MYO15A: variants seen among roughly 807,000 people sequenced by gnomAD.
The protein encoded by MYO15A is unconventional myosin-XV.
A neutral mutation model predicts 394.6 loss-of-function variants in MYO15A; 308 were observed. The observed-to-expected ratio is 0.78, with a 90% CI of 0.71 to 0.86. MYO15A has a LOEUF of 0.86. Ranked by LOEUF, MYO15A falls within the 40% of genes least tolerant of loss-of-function variation. The pLI is 0.00. For missense variants in MYO15A, 4,606 were observed against 4,799.1 expected (o/e 0.96, Z 1.19); for synonymous variants, 1,957 against 2,003.8 (o/e 0.98, Z 0.62).
rs2046852966 is a variant in MYO15A at position 18,166,306 on chromosome 17, A to G, written c.9788-55A>G. ...CTGCACACATGCTCTGTACAGGTGC[A>G]CACATGTGTGTGCACACATGCCCCC... On this transcript the variant is annotated intron_variant, in intron 60 of 65. Coordinates refer to ENST00000647165, the MANE Select transcript of MYO15A (RefSeq NM_016239.4). 4 of 1,600,330 alleles carry G rather than the reference A, an allele frequency of 2.5e-6. No homozygotes were observed. The Middle Eastern group carries it at 6.2e-4, about 248-fold the overall frequency.
Position 18,118,880 on chromosome 17 carries a change from A to C in MYO15A, c.80A>C (p.Lys27Thr). The change falls in exon 2 of 66, where the codon AAA becomes ACA. Residue 27 changes from lysine (K) to threonine (T), a missense_variant. By Grantham distance (78) the Lys-to-Thr change is moderately conservative. Coordinates refer to ENST00000647165, the MANE Select transcript of MYO15A (RefSeq NM_016239.4). ...AAGGCACCGGAGCCGGAGAAGCCCA[A>C]ACGGAGCCTGAAGGGGACGTCGCGG... ...GKKAPEPEKPKRSLKGTSRLF... is the reference protein window; with the variant it reads ...GKKAPEPEKPTRSLKGTSRLF... 1 of 1,613,772 alleles carries C rather than the reference A, an allele frequency of 6.2e-7. No individual in the cohort carries two copies. The highest frequency in any genetic ancestry group is 2.2e-5 in the East Asian group (1 of 44,856).
Position 18,162,580 on chromosome 17 carries a change from T to C in MYO15A, c.9518-5T>C, listed in dbSNP as rs748056742. 1 of 1,613,516 alleles carries C rather than the reference T, an allele frequency of 6.2e-7. No individual in the cohort carries two copies. The highest frequency in any genetic ancestry group is 1.3e-5 in the African/African-American group (1 of 75,044). Reference sequence around the variant, plus strand: ...GGGCGAGGCCTGAACTCCCTGCTTCTGCAGGGATCGCCAAGGCCTGCGAGC... The same window carrying C: ...GGGCGAGGCCTGAACTCCCTGCTTCCGCAGGGATCGCCAAGGCCTGCGAGC... On this transcript the variant is annotated splice_region_variant and splice_polypyrimidine_tract_variant and intron_variant, in intron 57 of 65. Transcript: ENST00000647165.
chr17:18,129,107 T>C (rs1239327478), intron 7 of MYO15A, among the ~76,000 whole-genome samples: 2 of 152,224 alleles, frequency 1.3e-5, no homozygotes, highest in East Asian at 1.9e-4. Context: ...GTCAGCAAGC[T>C]GGCACCATAA....
Position 18,147,699 on chromosome 17 carries a change from C to T in MYO15A, c.6510-330C>T, listed in dbSNP as rs904631071. ...GACATTTTGTTCCAACAAGCTGGTA[C>T]CTCTTTGGCCTATCCTTGGACCTCT... On this transcript the variant is annotated intron_variant, in intron 30 of 65. Coordinates refer to ENST00000647165, the MANE Select transcript of MYO15A (RefSeq NM_016239.4). This position sits in a 1 kb window ranked among gnomAD's most constrained non-coding sequence, Gnocchi z 4.4. 6.6e-6 allele frequency among the ~76,000 whole-genome samples: 1 copy of T among 152,174 alleles called. No individual in the cohort carries two copies. Among genetic ancestry groups the T allele is most frequent in the African/African-American group, 2.4e-5 (1 of 41,438 alleles).
chr17:18,146,152 C>G, intron 30 of MYO15A, 45 bp downstream of exon 30: 1 of 1,585,102 alleles, frequency 6.3e-7, no homozygotes, highest in East Asian at 2.3e-5. Context: ...GACGGTGGCA[C>G]CAGCAGTGGA....
In MYO15A at chr17:18,150,360, G is replaced by A; in HGVS notation, c.7213-69G>A. Reference sequence around the variant, plus strand: ...AGGGTGGGGAAGAGGCCAGTGTCAGGTGCCTGTTGCCATGGAACCTTGGGA... The same window carrying A: ...AGGGTGGGGAAGAGGCCAGTGTCAGATGCCTGTTGCCATGGAACCTTGGGA... On this transcript the variant is annotated intron_variant, in intron 35 of 65. Coordinates refer to ENST00000647165, the MANE Select transcript of MYO15A (RefSeq NM_016239.4). This position sits in a 1 kb window ranked among gnomAD's most constrained non-coding sequence, Gnocchi z 4.4. 2.1e-6 allele frequency: 3 copies of A among 1,421,528 alleles called. No homozygotes were observed. Among genetic ancestry groups the A allele is most frequent in the Admixed American group, 3.4e-5 (2 of 59,000 alleles). 88.1% of individuals were successfully genotyped at this position (1,421,528 alleles called of 1,614,324 possible). A position where few individuals can be genotyped will look rare whatever the true frequency, so the allele number is the denominator to read the frequency against.
In MYO15A at chr17:18,148,005, C is replaced by G. The variant is rs201088322; in HGVS notation, c.6510-24C>G. 3 of 1,613,960 alleles carry G rather than the reference C, an allele frequency of 1.9e-6. No homozygotes were observed. The highest frequency in any genetic ancestry group is 2.5e-6 in the Non-Finnish European group (3 of 1,179,986). On this transcript the variant is annotated intron_variant, in intron 30 of 65. Transcript: ENST00000647165. This position sits in a 1 kb window ranked among gnomAD's most constrained non-coding sequence, Gnocchi z 4.8. ...AGCTAGCTTCAGATCCTTCTTGATC[C>G]TGGCTCCAACTCCTACCCATCAGGT...
At position 18,138,004 on chromosome 17, in the gene MYO15A, T is replaced by G. The variant is rs946410157; in HGVS notation, c.4876-111T>G. 2.9e-6 allele frequency: 4 copies of G among 1,381,610 alleles called. No homozygotes were observed. The African/African-American group carries it at 6.6e-5, about 23-fold the overall frequency. The allele number at this position is 1,381,610 out of a possible 1,614,324, so 85.6% of individuals were successfully genotyped here. Reference sequence around the variant, plus strand: ...GGTGAGCTCCCTGTTCTGGGAGGTATGCAAGCAGAGGTGCTGCTGGCCAGG... The same window carrying G: ...GGTGAGCTCCCTGTTCTGGGAGGTAGGCAAGCAGAGGTGCTGCTGGCCAGG... On this transcript the variant is annotated intron_variant, in intron 16 of 65. Coordinates refer to ENST00000647165, the MANE Select transcript of MYO15A (RefSeq NM_016239.4).
Position 18,131,495 on chromosome 17 carries a change from C to A in MYO15A, c.4170C>A (p.Ser1390=). ...EGGVISGAIT[S]QYLLEKSRIV... ...GCGTGATCTCTGGTGCCATAACCTC[C>A]CAGTACCTGCTTGAGAAATCCAGGA... Residue 1390 remains serine, a synonymous_variant, in exon 10 of 66, where the codon TCC becomes TCA. Coordinates refer to ENST00000647165, the MANE Select transcript of MYO15A (RefSeq NM_016239.4). 1 of 1,613,992 alleles carries A rather than the reference C, an allele frequency of 6.2e-7. No individual in the cohort carries two copies. Among genetic ancestry groups the A allele is most frequent in the Non-Finnish European group, 8.5e-7 (1 of 1,179,988 alleles).
intron 47 of MYO15A, 62 bp downstream of exon 47, chr17:18,155,494 T>TC (rs1375264900): frequency 6.9e-7 from 1 of 1,444,408 alleles, no homozygotes; most frequent in African/African-American, 1.4e-5. Flanking sequence ...CATCGGCATT[T>TC]CCTTCCCCTC....
chr17:18,170,924 C>G (rs534689776), intron 62 of MYO15A, among the ~76,000 whole-genome samples: 2 of 152,296 alleles, frequency 1.3e-5, no homozygotes, highest in South Asian at 4.1e-4. Flanking sequence ...ACTGGGGAGG[C>G]TGGGTTCAGA....
At position 18,154,159 on chromosome 17, in the gene MYO15A, A is replaced by T. The variant is rs764839557; in HGVS notation, c.8117A>T (p.His2706Leu). The T allele has an allele frequency of 6.2e-7, 1 of 1,614,096 alleles. No individual in the cohort carries two copies. The highest frequency in any genetic ancestry group is 1.7e-5 in the Admixed American group (1 of 60,034). ...TTTTACCCCAAGGACAGCTACAGCC[A>T]TCCTGTGCAGCTTGACCTCCTGTTC... Reference protein sequence around the residue: ...EVFYPKDSYSHPVQLDLLFRQ... With the variant: ...EVFYPKDSYSLPVQLDLLFRQ... The change falls in exon 44 of 66, where the codon CAT (histidine) becomes CTT (leucine). Residue 2706 changes from histidine to leucine, a missense_variant. Physicochemically the swap from His to Leu is moderately conservative, Grantham distance 99. Coordinates refer to ENST00000647165, the MANE Select transcript of MYO15A (RefSeq NM_016239.4).
intron 34 of MYO15A, 41 bp downstream of exon 34, chr17:18,149,417 C>G: frequency 6.2e-7 from 1 of 1,612,562 alleles, no homozygotes; most frequent in Non-Finnish European, 8.5e-7. Flanking sequence ...GGGAGGGAGC[C>G]TTAGAGGCTG....
chr17:18,135,670 C>G, intron 12 of MYO15A, 41 bp from the exon 13 acceptor site: 1 of 1,579,012 alleles, frequency 6.3e-7, no homozygotes, highest in African/African-American at 1.3e-5. Flanking sequence ...TAAATTTAGC[C>G]TATCTAGTTC....
At position 18,132,817 on chromosome 17, in the gene MYO15A, A is replaced by G. The variant is rs1262340574; in HGVS notation, c.4320+251A>G. ...CCTGGAACAGAACCAACCAGTCTAG[A>G]GTTTCTACACTTCCCCTCTCTGTGC... On this transcript the variant is annotated intron_variant, in intron 11 of 65. Coordinates refer to ENST00000647165, the MANE Select transcript of MYO15A (RefSeq NM_016239.4). The surrounding 1 kb of genome is among the most constrained non-coding windows in gnomAD (Gnocchi z 4.6). 2.6e-5 allele frequency among the ~76,000 whole-genome samples: 4 copies of G among 152,190 alleles called. No individual in the cohort carries two copies. The highest frequency in any genetic ancestry group is 3.8e-4 in the East Asian group (2 of 5,196).
In MYO15A at chr17:18,120,674, C is replaced by T; in HGVS notation, c.1874C>T (p.Pro625Leu). The stretch of plus-strand genomic sequence containing the variant: ...ATGGACCCCGAGAAGCCCGGCACGC[C>T]CATCGTGCTGAGGAGGGCCCAGCCA... Reference protein sequence around the residue: ...AGMDPEKPGTPIVLRRAQPRA... With the variant: ...AGMDPEKPGTLIVLRRAQPRA... The change falls in exon 2 of 66, where the codon CCC becomes CTC. Residue 625 changes from proline (P) to leucine (L), a missense_variant. Pro to Leu is a moderately conservative substitution (Grantham distance 98, BLOSUM62 -3). Transcript: ENST00000647165. The T allele has an allele frequency of 6.3e-7, 1 of 1,582,096 alleles. No individual in the cohort carries two copies. Among genetic ancestry groups the T allele is most frequent in the Non-Finnish European group, 8.6e-7 (1 of 1,169,416 alleles).
chr17:18,135,112 C>G (rs1049432672), intron 12 of MYO15A, among the ~76,000 whole-genome samples: 2 of 152,158 alleles, frequency 1.3e-5, no homozygotes, highest in African/African-American at 4.8e-5. Flanking sequence ...TCGATCCTCC[C>G]ACCTCAGCCT....
Position 18,148,428 on chromosome 17 carries a change from A to T in MYO15A, c.6692-68A>T, listed in dbSNP as rs2046518021. The T allele has an allele frequency of 6.5e-7, 1 of 1,535,144 alleles. No homozygotes were observed. On this transcript the variant is annotated intron_variant, in intron 31 of 65. Coordinates refer to ENST00000647165, the MANE Select transcript of MYO15A (RefSeq NM_016239.4). The surrounding 1 kb of genome is among the most constrained non-coding windows in gnomAD (Gnocchi z 4.8). Reference sequence around the variant, plus strand: ...TACAGGAAGCCTGAAAGGAAGAAGCAAGCAGGGAGGCACAGCCAAACTGGA... The same window carrying T: ...TACAGGAAGCCTGAAAGGAAGAAGCTAGCAGGGAGGCACAGCCAAACTGGA...
Position 18,141,766 on chromosome 17 carries a change from G to A in MYO15A, c.5645G>A (p.Ser1882Asn), listed in dbSNP as rs1393636864. The A allele has an allele frequency of 3.7e-6, 6 of 1,613,990 alleles. No homozygotes were observed. The highest frequency in any genetic ancestry group is 1.3e-5 in the African/African-American group (1 of 75,056). ...VMPNMYRVGV[S>N]KLFLKEHLYQ... The stretch of plus-strand genomic sequence containing the variant: ...CCAAACATGTACCGTGTTGGGGTCA[G>A]CAAGGTGAGTCCTGCCCGACAGTCA... The change falls in exon 23 of 66, where the codon AGC becomes AAC. Residue 1882 changes from serine (S) to asparagine (N), a missense_variant. Around this residue, in one of 2 missense-constraint regions of MYO15A, gnomAD observed 2,776 missense variants for 3,109.3 expected, o/e 0.89. Coordinates refer to ENST00000647165, the MANE Select transcript of MYO15A (RefSeq NM_016239.4).
Sources: allele counts gnomAD v4.1 joint callset (sites outside exome capture counted in the v4.1 genomes callset), GRCh38; gene constraint gnomAD v4.1.1; regional missense constraint gnomAD v4.1.1; non-coding constraint Gnocchi (gnomAD v3.1); transcripts MANE v1.5; gene names NCBI Gene and HGNC (gene_info 2026-07-23, HGNC 2026-07-21).